The following CAMTA1 variants were observed in gnomAD, a reference collection of about 807,000 sequenced individuals.
CAMTA1 encodes the protein calmodulin-binding transcription activator 1.
A neutral mutation model predicts 170.9 loss-of-function variants in CAMTA1; 27 were observed. The ratio of observed to expected loss-of-function variants is 0.16; its 90% confidence interval spans 0.12 to 0.22. CAMTA1 has a LOEUF of 0.22. Among genes scored for constraint, CAMTA1 ranks in the 10% least tolerant of loss-of-function variants. The probability of loss-of-function intolerance (pLI) is 1.00; values close to 1 mark genes in which losing one functional copy is unlikely to be tolerated. For missense variants in CAMTA1, 1,619 were observed against 2,217.2 expected, an observed-to-expected ratio of 0.73 and a Z score of 5.42; for synonymous variants, 833 against 891.5, an observed-to-expected ratio of 0.93 and a Z score of 1.17.
At chr1:6,816,731 C>T (rs576166612) in intron 1 of CAMTA1, among the ~76,000 whole-genome samples, 1 of 152,252 alleles carries the variant, frequency 6.6e-6, no homozygotes, top group East Asian at 1.9e-4. Flanking sequence ...AACACACCAC[C>T]GCGGCTCTGC....
intron 5 of CAMTA1, among the ~76,000 whole-genome samples, chr1:7,459,204 G>A (rs1750838): frequency 0.71 from 108,513 of 152,062 alleles, 39,811 homozygotes; most frequent in African/African-American, 0.89. Context: ...CCTTCTGCCT[G>A]TTCCTAGCCG....
At chr1:6,929,352 TTTTTTTTG>T (rs1045609186) in intron 3 of CAMTA1, among the ~76,000 whole-genome samples, 9 of 149,926 alleles carry the variant, frequency 6.0e-5, no homozygotes, top group African/African-American at 2.2e-4. Context: ...GCTAATTTTT[TTTTTTTTG>T]TTTGTTTGTT....
chr1:7,465,692 A>G (rs2093194723), intron 5 of CAMTA1, among the ~76,000 whole-genome samples: 1 of 152,100 alleles, frequency 6.6e-6, no homozygotes, highest in Non-Finnish European at 1.5e-5. Context: ...AGGTGTTAGG[A>G]GGCTTCAGGG....
At chr1:7,420,000 G>C (rs2091453618) in intron 5 of CAMTA1, among the ~76,000 whole-genome samples, 1 of 152,086 alleles carries the variant, frequency 6.6e-6, no homozygotes, top group Admixed American at 6.5e-5. Flanking sequence ...GGCCCCCGTG[G>C]TCTCTTTGTT....
chr1:6,789,138 G>A (rs1640287124), intron 1 of CAMTA1, among the ~76,000 whole-genome samples: 1 of 152,160 alleles, frequency 6.6e-6, no homozygotes, highest in Non-Finnish European at 1.5e-5. Context: ...TGGATTCAAA[G>A]TGTTGACATA....
intron 2 of CAMTA1, among the ~76,000 whole-genome samples, chr1:6,822,418 A>G (rs1030667639): frequency 2.6e-5 from 4 of 152,180 alleles, no homozygotes; most frequent in Admixed American, 6.5e-5. Context: ...CATTTTGCCT[A>G]TTTGAAATTC....
At chr1:7,531,104 A>G (rs983790050) in intron 6 of CAMTA1, among the ~76,000 whole-genome samples, 5 of 142,806 alleles carry the variant, frequency 3.5e-5, no homozygotes, top group African/African-American at 1.3e-4. Flanking sequence ...GGCATGAGCC[A>G]CCGCGCCTGG....
At chr1:7,470,339 G>T (rs546124514) in intron 6 of CAMTA1, among the ~76,000 whole-genome samples, 1 of 152,204 alleles carries the variant, frequency 6.6e-6, no homozygotes, top group African/African-American at 2.4e-5. Flanking sequence ...AATTTGTTCT[G>T]GTGCTAATTA....
rs2093549089 is a variant in CAMTA1 at position 7,482,153 on chromosome 1, T to C, written c.510+14252T>C. ...TGCCATTCATCATGTTGCTACTGCC[T>C]ACTGTGTTATTTATGCCTTGTCTAT... On this transcript the variant is annotated intron_variant, in intron 6 of 22. Transcript: ENST00000303635. This position sits in a 1 kb window ranked among gnomAD's most constrained non-coding sequence, Gnocchi z 4.2. Among the ~76,000 whole-genome samples the C allele has an allele frequency of 6.6e-6, 1 of 152,206 alleles. No individual in the cohort carries two copies. Among genetic ancestry groups the C allele is most frequent in the South Asian group, 2.1e-4 (1 of 4,828 alleles).
intron 6 of CAMTA1, among the ~76,000 whole-genome samples, chr1:7,541,926 C>T (rs959867399): frequency 5.9e-5 from 9 of 152,298 alleles, no homozygotes; most frequent in South Asian, 4.1e-4. Flanking sequence ...TCACCAGCAC[C>T]GTCCATGTTT....
chr1:7,194,245 C>T (rs1057014782), intron 4 of CAMTA1, among the ~76,000 whole-genome samples: 20 of 152,064 alleles, frequency 1.3e-4, no homozygotes, highest in African/African-American at 3.9e-4. Context: ...TTTTTTGGTA[C>T]GTTGGTTTTA....
rs185787376 is a variant in CAMTA1 at position 7,592,029 on chromosome 1, G to A, written c.511-48371G>A. On this transcript the variant is annotated intron_variant, in intron 6 of 22. Coordinates refer to ENST00000303635, the MANE Select transcript of CAMTA1 (RefSeq NM_015215.4). The surrounding 1 kb of genome is among the most constrained non-coding windows in gnomAD (Gnocchi z 4.6). ...TTCTCCTGCCTCAGCCTCCTAAGTA[G>A]CTGGGATTACAGGTGCATGCCACCA... Among the ~76,000 whole-genome samples the A allele has an allele frequency of 7.9e-5, 12 of 152,270 alleles. No individual in the cohort carries two copies. In the East Asian group the frequency reaches 2.3e-3, roughly 29 times the overall value.
In CAMTA1 at chr1:7,570,915, G is replaced by T. The variant is rs1273081002; in HGVS notation, c.511-69485G>T. On this transcript the variant is annotated intron_variant, in intron 6 of 22. Coordinates refer to ENST00000303635, the MANE Select transcript of CAMTA1 (RefSeq NM_015215.4). This position sits in a 1 kb window ranked among gnomAD's most constrained non-coding sequence, Gnocchi z 4.3. ...TCAGGAGGCTCCTTAACCACTCTGAGCCTCAGTTGCCTCAAGATGGGCAGC... is the reference window on the plus strand; with the variant it reads ...TCAGGAGGCTCCTTAACCACTCTGATCCTCAGTTGCCTCAAGATGGGCAGC... Among the ~76,000 whole-genome samples, 1 of 152,196 alleles carries T rather than the reference G, an allele frequency of 6.6e-6. No individual in the cohort carries two copies. Among genetic ancestry groups the T allele is most frequent in the Non-Finnish European group, 1.5e-5 (1 of 68,026 alleles).
intron 3 of CAMTA1, among the ~76,000 whole-genome samples, chr1:6,856,591 T>C (rs1199152290): frequency 6.6e-6 from 1 of 152,062 alleles, no homozygotes; most frequent in Non-Finnish European, 1.5e-5. Context: ...TATGGATAGA[T>C]AGATGGATCA....
At chr1:7,678,705 A>T (rs10864310) in intron 11 of CAMTA1, among the ~76,000 whole-genome samples, 43,479 of 151,860 alleles carry the variant, frequency 0.29, 7,323 homozygotes, top group East Asian at 0.67. Context: ...CAGAGGTGAC[A>T]CTCCATGGGG....
rs142343077 is a variant in CAMTA1 at position 7,108,534 on chromosome 1, C to T, written c.302+17163C>T. Among the ~76,000 whole-genome samples, 159 of 152,114 alleles carry T rather than the reference C, an allele frequency of 1.0e-3. 2 individuals carry two copies. Among genetic ancestry groups the T allele is most frequent in the Admixed American group, 8.8e-3 (135 of 15,280 alleles). On this transcript the variant is annotated intron_variant, in intron 4 of 22. Coordinates refer to ENST00000303635, the MANE Select transcript of CAMTA1 (RefSeq NM_015215.4). ...TCACATCATCCTCGACTACCAGAAA[C>T]GATTCAACAATCCTTGGGGTGAAAA...
At chr1:7,449,179 T>C (rs1213176643) in intron 5 of CAMTA1, among the ~76,000 whole-genome samples, 3 of 152,206 alleles carry the variant, frequency 2.0e-5, no homozygotes, top group Non-Finnish European at 4.4e-5. Flanking sequence ...GTCTGGATTC[T>C]AGACAAACCA....
At chr1:7,575,957 C>A (rs1004274539) in intron 6 of CAMTA1, among the ~76,000 whole-genome samples, 3 of 152,144 alleles carry the variant, frequency 2.0e-5, no homozygotes, top group African/African-American at 4.8e-5. Flanking sequence ...GGAAATGGAG[C>A]AAGGAGGCGG....
chr1:7,354,325 G>A (rs1041968061), intron 5 of CAMTA1, among the ~76,000 whole-genome samples: 3 of 150,682 alleles, frequency 2.0e-5, no homozygotes, highest in South Asian at 2.1e-4. Flanking sequence ...ATTTTTTTGT[G>A]TTTTTAGTAG....
Sources: allele counts gnomAD v4.1 joint callset (sites outside exome capture counted in the v4.1 genomes callset), GRCh38; gene constraint gnomAD v4.1.1; non-coding constraint Gnocchi (gnomAD v3.1); transcripts MANE v1.5; gene names NCBI Gene and HGNC (gene_info 2026-07-23, HGNC 2026-07-21).